The following TMEM178B variants were observed in gnomAD, a reference collection of about 807,000 sequenced individuals.
TMEM178B encodes the protein transmembrane protein 178B.
A neutral mutation model predicts 31.0 loss-of-function variants in TMEM178B; 5 were observed. The observed-to-expected ratio is 0.16, with a 90% CI of 0.08 to 0.34. The LOEUF (loss-of-function observed/expected upper bound fraction) is 0.34. TMEM178B is among the 10% of genes least tolerant of loss of function. TMEM178B has a pLI of 1.00. For missense variants in TMEM178B, 275 were observed against 400.3 expected (o/e 0.69, Z 2.67); for synonymous variants, 164 against 164.0 (o/e 1.00, Z 0.00).
chr7:141,084,671 G>T (rs1330681358), intron 1 of TMEM178B, among the ~76,000 whole-genome samples: 1 of 152,054 alleles, frequency 6.6e-6, no homozygotes, highest in African/African-American at 2.4e-5. Context: ...TATGAGCCCC[G>T]ACTAGGTAAT....
rs891751120 is a variant in TMEM178B, at chr7:141,480,327, G to C, written c.*9541G>C. On this transcript the variant is annotated 3_prime_UTR_variant, in exon 4 of 4. Coordinates refer to ENST00000565468, the MANE Select transcript of TMEM178B (RefSeq NM_001195278.2). Reference sequence around the variant, plus strand: ...AAAAATAAATAATCTGTCAGTTGTGGAATGTAAACTGATTAAACAATTAAA... The same window carrying C: ...AAAAATAAATAATCTGTCAGTTGTGCAATGTAAACTGATTAAACAATTAAA... 1.3e-5 allele frequency: 2 copies of C among 152,200 alleles called. No homozygotes were observed. The highest frequency in any genetic ancestry group is 4.8e-5 in the African/African-American group (2 of 41,444). The allele number at this position is 152,200 out of a possible 1,614,324, so 9.4% of individuals were successfully genotyped here. A position where few individuals can be genotyped will look rare whatever the true frequency, so the allele number is the denominator to read the frequency against.
intron 2 of TMEM178B, among the ~76,000 whole-genome samples, chr7:141,431,807 C>A (rs1044128165): frequency 6.6e-6 from 1 of 152,046 alleles, no homozygotes; most frequent in East Asian, 1.9e-4. Flanking sequence ...TATATATGTT[C>A]CTGAGTACAA....
intron 1 of TMEM178B, among the ~76,000 whole-genome samples, chr7:141,172,401 A>G (rs1047569588): frequency 2.0e-5 from 3 of 152,154 alleles, no homozygotes; most frequent in Non-Finnish European, 2.9e-5. Context: ...TCTTGAATGT[A>G]AGCTGAAAGT....
intron 1 of TMEM178B, among the ~76,000 whole-genome samples, chr7:141,131,968 A>G (rs1296119408): frequency 1.3e-5 from 2 of 152,158 alleles, no homozygotes; most frequent in African/African-American, 2.4e-5. Context: ...TTATCATGTT[A>G]GTATGGTCAT....
intron 2 of TMEM178B, among the ~76,000 whole-genome samples, chr7:141,395,686 C>CTGCT (rs1271153865): frequency 6.6e-6 from 1 of 152,154 alleles, no homozygotes; most frequent in Non-Finnish European, 1.5e-5. Flanking sequence ...CCACCACACT[C>CTGCT]TGCTCCCCCT....
At chr7:141,491,510 T>C in the TMEM178B span, among the ~76,000 whole-genome samples, 1 of 152,222 alleles carries the variant, frequency 6.6e-6, no homozygotes, top group Admixed American at 6.5e-5. Context: ...ACACTCCCTA[T>C]GTTCACCCTA....
At chr7:141,114,516 G>A (rs1358642609) in intron 1 of TMEM178B, among the ~76,000 whole-genome samples, 1 of 152,264 alleles carries the variant, frequency 6.6e-6, no homozygotes, top group Non-Finnish European at 1.5e-5. Context: ...ATGCAAAGGA[G>A]TCAACAGCTG....
At chr7:141,272,951 C>T (rs550419769) in intron 2 of TMEM178B, among the ~76,000 whole-genome samples, 3 of 152,044 alleles carry the variant, frequency 2.0e-5, no homozygotes, top group Admixed American at 6.6e-5. Flanking sequence ...TCACACTAGC[C>T]GAGATATGGA....
At chr7:141,105,730 T>G (rs916328581) in intron 1 of TMEM178B, among the ~76,000 whole-genome samples, 10 of 152,142 alleles carry the variant, frequency 6.6e-5, no homozygotes, top group African/African-American at 1.9e-4. Context: ...TAGAAGACGA[T>G]GAAAGCAAAG....
intron 1 of TMEM178B, among the ~76,000 whole-genome samples, chr7:141,114,793 A>G (rs1169600058): frequency 1.3e-5 from 2 of 152,202 alleles, no homozygotes; most frequent in Non-Finnish European, 2.9e-5. Context: ...CGGGGAATTC[A>G]GGCTAAGGCA....
At chr7:141,086,881 A>T (rs560981) in intron 1 of TMEM178B, among the ~76,000 whole-genome samples, 37,034 of 151,760 alleles carry the variant, frequency 0.24, 6,165 homozygotes, top group African/African-American at 0.47. Flanking sequence ...AGCAACAGGG[A>T]TTCACCATGT....
At chr7:141,153,922 T>C (rs1442488179) in intron 1 of TMEM178B, among the ~76,000 whole-genome samples, 1 of 152,246 alleles carries the variant, frequency 6.6e-6, no homozygotes, top group Non-Finnish European at 1.5e-5. Flanking sequence ...TTTGGCCTTA[T>C]TGTTTTTACT....
intron 2 of TMEM178B, among the ~76,000 whole-genome samples, chr7:141,250,962 G>T (rs1280641408): frequency 6.6e-6 from 1 of 152,066 alleles, no homozygotes; most frequent in Non-Finnish European, 1.5e-5. Context: ...CCAAGCTGTG[G>T]GAAAGGAAAA....
At chr7:141,122,699 G>T (rs1795429314) in intron 1 of TMEM178B, among the ~76,000 whole-genome samples, 1 of 152,186 alleles carries the variant, frequency 6.6e-6, no homozygotes, top group Non-Finnish European at 1.5e-5. Context: ...ATAATATCAT[G>T]ATGGTATGGG....
At chr7:141,176,209 A>G (rs573642767) in intron 1 of TMEM178B, among the ~76,000 whole-genome samples, 7 of 152,274 alleles carry the variant, frequency 4.6e-5, no homozygotes, top group African/African-American at 1.7e-4. Context: ...GCATCTATTG[A>G]GATAATCATG....
intron 3 of TMEM178B, among the ~76,000 whole-genome samples, chr7:141,452,098 C>T (rs1372066640): frequency 1.3e-5 from 2 of 152,152 alleles, no homozygotes; most frequent in African/African-American, 2.4e-5. Context: ...ACTCTCTTTG[C>T]TTTTTACCTA....
intron 2 of TMEM178B, among the ~76,000 whole-genome samples, chr7:141,223,750 T>G (rs926037223): frequency 2.6e-5 from 4 of 152,158 alleles, no homozygotes; most frequent in African/African-American, 9.6e-5. Context: ...CAAACCTTCC[T>G]AGGTCCTTTA....
the TMEM178B span, among the ~76,000 whole-genome samples, chr7:141,511,199 A>C: frequency 6.6e-6 from 1 of 151,120 alleles, no homozygotes; most frequent in South Asian, 2.1e-4. Flanking sequence ...AGAAACCTTC[A>C]ATTGAGGTGG....
chr7:141,462,653 G>A (rs2116720041), intron 3 of TMEM178B, among the ~76,000 whole-genome samples: 1 of 152,196 alleles, frequency 6.6e-6, no homozygotes, highest in South Asian at 2.1e-4. Flanking sequence ...CTAATATTTG[G>A]CAACCAGAGA....
Sources: allele counts gnomAD v4.1 joint callset (sites outside exome capture counted in the v4.1 genomes callset), GRCh38; gene constraint gnomAD v4.1.1; transcripts MANE v1.5; gene names NCBI Gene and HGNC (gene_info 2026-07-23, HGNC 2026-07-21).